Variants in UBE2G2 observed in about 807,000 individuals in gnomAD.
UBE2G2 encodes ubiquitin-conjugating enzyme E2 G2.
In UBE2G2, 10 loss-of-function variants were observed where a neutral mutation model predicts 23.0. The ratio of observed to expected loss-of-function variants is 0.43; its 90% CI spans 0.27 to 0.74. The LOEUF (loss-of-function observed/expected upper bound fraction) is 0.74. Ranked by LOEUF, UBE2G2 falls within the 30% of genes least tolerant of loss-of-function variation. The probability of loss-of-function intolerance (pLI) is 0.19; values close to 1 mark genes in which losing one functional copy is unlikely to be tolerated. For missense variants in UBE2G2, 150 were observed against 218.3 expected (o/e 0.69, Z 1.97); for synonymous variants, 86 against 81.3 (o/e 1.06, Z -0.31).
In UBE2G2 at chr21:44,769,607, T is replaced by A. The variant is rs184655370; in HGVS notation, c.*1770A>T. On this transcript the variant is annotated 3_prime_UTR_variant, in exon 6 of 6. Coordinates refer to ENST00000345496, the MANE Select transcript of UBE2G2 (RefSeq NM_003343.6). Reference sequence around the variant, plus strand: ...GTTAGCCAGGATGGTCGCGATCTCCTGACCTCATGATCCGCCCGCCTCAGT... The same window carrying A: ...GTTAGCCAGGATGGTCGCGATCTCCAGACCTCATGATCCGCCCGCCTCAGT... 6.6e-6 allele frequency: 1 copy of A among 152,346 alleles called. No individual in the cohort carries two copies. The highest frequency in any genetic ancestry group is 1.9e-4 in the East Asian group (1 of 5,178). 9.4% of individuals were successfully genotyped at this position (152,346 alleles called of 1,614,324 possible). A position where few individuals can be genotyped will look rare whatever the true frequency, so the allele number is the denominator to read the frequency against.
At chr21:44,792,762 C>T (rs1282140137) in intron 1 of UBE2G2, among the ~76,000 whole-genome samples, 1 of 152,214 alleles carries the variant, frequency 6.6e-6, no homozygotes, top group African/African-American at 2.4e-5. Flanking sequence ...ACCACTAACA[C>T]CTGCTGAGAA....
chr21:44,778,262 A>C (rs2082928035), intron 3 of UBE2G2, among the ~76,000 whole-genome samples: 1 of 152,222 alleles, frequency 6.6e-6, no homozygotes, highest in Non-Finnish European at 1.5e-5. Context: ...AGCACATGTG[A>C]TCACTGCTGC....
Position 44,793,167 on chromosome 21 carries a change from G to A in UBE2G2, c.44-5072C>T, listed in dbSNP as rs145374659. On this transcript the variant is annotated intron_variant, in intron 1 of 5. Coordinates refer to ENST00000345496, the MANE Select transcript of UBE2G2 (RefSeq NM_003343.6). ...TTATAAGAAAAAAATAACAGATTAC[G>A]GCAGATAGACTGTAAACTGCTAAGC... Among the ~76,000 whole-genome samples, 126 of 152,332 alleles carry A rather than the reference G, an allele frequency of 8.3e-4. 1 individual carries two copies. The highest frequency in any genetic ancestry group is 6.8e-3 in the Middle Eastern group (2 of 294).
At chr21:44,793,884 A>G (rs235272) in intron 1 of UBE2G2, among the ~76,000 whole-genome samples, 119,593 of 152,150 alleles carry the variant, frequency 0.79, 47,571 homozygotes, top group African/African-American at 0.91. Context: ...AATTAAAAAG[A>G]ACTTGAGTGT....
At chr21:44,801,427 A>G (rs1169122422) in intron 1 of UBE2G2, 9 of 1,231,010 alleles carry the variant, frequency 7.3e-6, no homozygotes, top group Non-Finnish European at 7.1e-6. Flanking sequence ...ATAGAAGAGA[A>G]AAAAACAAGC....
At chr21:44,782,880 T>C (rs1331966172) in intron 3 of UBE2G2, among the ~76,000 whole-genome samples, 1 of 152,214 alleles carries the variant, frequency 6.6e-6, no homozygotes, top group African/African-American at 2.4e-5. Context: ...CCTTGGGTTA[T>C]ATACAACACC....
At position 44,771,655 on chromosome 21, in the gene UBE2G2, G is replaced by A. The variant is rs1555959965; in HGVS notation, c.386-166C>T. The stretch of plus-strand genomic sequence containing the variant: ...GGTCGGCCCCACCTCTAGAGTGCTG[G>A]CCACGCAGGTCTCAACGAAAGCCAC... On this transcript the variant is annotated intron_variant, in intron 5 of 5. Transcript: ENST00000345496. The surrounding 1 kb of genome is among the most constrained non-coding windows in gnomAD (Gnocchi z 4.6). Among the ~76,000 whole-genome samples, 1 of 152,118 alleles carries A rather than the reference G, an allele frequency of 6.6e-6. No individual in the cohort carries two copies. Among genetic ancestry groups the A allele is most frequent in the Non-Finnish European group, 1.5e-5 (1 of 68,036 alleles).
chr21:44,788,195 G>C (rs528378888), intron 1 of UBE2G2, 100 bp from the exon 2 acceptor site: 2 of 1,109,444 alleles, frequency 1.8e-6, no homozygotes, highest in East Asian at 2.5e-5. Flanking sequence ...ATAAACCATA[G>C]AATATGCATA....
In UBE2G2 at chr21:44,771,461, C is replaced by T. The variant is rs201143631; in HGVS notation, c.414G>A (p.Val138=). 5.1e-4 allele frequency: 829 copies of T among 1,612,532 alleles called. 13 individuals carry two copies. The South Asian group carries it at 8.7e-3, about 17-fold the overall frequency. ...CATCGCGCCACATTTTGGACGCATC[C>T]ACGTTAGCTCCACTTTCGTCATTGG... ...AEPNDESGAN[V]DASKMWRDDR... is the part of the protein sequence containing the mutation. The change falls in exon 6 of 6, where the codon GTG becomes GTA. Residue 138 remains valine, a synonymous_variant. Transcript: ENST00000345496. The surrounding 1 kb of genome is among the most constrained non-coding windows in gnomAD (Gnocchi z 4.6).
intron 1 of UBE2G2, chr21:44,800,436 G>A (rs2083126251): frequency 6.6e-6 from 1 of 151,750 alleles, no homozygotes; most frequent in Non-Finnish European, 1.5e-5. Flanking sequence ...AAAAAAATCA[G>A]TGTAACTATT....
intron 3 of UBE2G2, among the ~76,000 whole-genome samples, chr21:44,779,709 C>T (rs1205121904): frequency 1.3e-5 from 2 of 152,204 alleles, no homozygotes; most frequent in Admixed American, 6.5e-5. Context: ...TCAGAGCAAA[C>T]GATAACCACC....
chr21:44,791,677 C>T (rs1424885964), intron 1 of UBE2G2, among the ~76,000 whole-genome samples: 1 of 152,194 alleles, frequency 6.6e-6, no homozygotes, highest in Non-Finnish European at 1.5e-5. Context: ...TAGGGCATTG[C>T]AGAAGGGAAA....
chr21:44,801,709 T>G lies in UBE2G2; in HGVS notation c.40A>C (p.Lys14Gln). ...CGGCCCGGGTCCCCAGACTCACGTTTGTACTCGGCCATCAGCCTCTTGAGC... is the reference window on the plus strand; with the variant it reads ...CGGCCCGGGTCCCCAGACTCACGTTGGTACTCGGCCATCAGCCTCTTGAGC... ...TALKRLMAEY[K>Q]QLTLNPPEGI... Residue 14 changes from lysine to glutamine, a missense_variant, in exon 1 of 6, where the codon AAA becomes CAA. Physicochemically the swap from Lys to Gln is moderately conservative, Grantham distance 53. Transcript: ENST00000345496. 1 of 1,520,108 alleles carries G rather than the reference T, an allele frequency of 6.6e-7. No homozygotes were observed. The highest frequency in any genetic ancestry group is 8.8e-7 in the Non-Finnish European group (1 of 1,135,744). 94.2% of individuals were successfully genotyped at this position (1,520,108 alleles called of 1,614,324 possible). A position where few individuals can be genotyped will look rare whatever the true frequency, so the allele number is the denominator to read the frequency against.
chr21:44,777,426 T>C lies in UBE2G2; in HGVS notation c.126-9A>G, dbSNP rs782092856. On this transcript the variant is annotated splice_polypyrimidine_tract_variant and intron_variant, in intron 3 of 5. Coordinates refer to ENST00000345496, the MANE Select transcript of UBE2G2 (RefSeq NM_003343.6). Reference sequence around the variant, plus strand: ...AGGTGTCTTCTGGGCCCCTAGAAGATATAAAATACGTAGACTGAACTTCAA... The same window carrying C: ...AGGTGTCTTCTGGGCCCCTAGAAGACATAAAATACGTAGACTGAACTTCAA... The C allele has an allele frequency of 3.7e-6, 6 of 1,611,714 alleles. No individual in the cohort carries two copies. In the Admixed American group the frequency reaches 6.7e-5, roughly 18 times the overall value.
intron 1 of UBE2G2, among the ~76,000 whole-genome samples, chr21:44,790,024 G>T (rs1445085951): frequency 2.6e-5 from 4 of 152,100 alleles, no homozygotes; most frequent in African/African-American, 4.8e-5. Context: ...CTGGTCTTTG[G>T]TATTTTTTTA....
At chr21:44,791,417 T>A (rs7281735) in intron 1 of UBE2G2, among the ~76,000 whole-genome samples, 41,610 of 151,994 alleles carry the variant, frequency 0.27, 6,127 homozygotes, top group South Asian at 0.41. Context: ...TGGTACTTGG[T>A]GCCCTGTGTC....
Position 44,801,638 on chromosome 21 carries a change from C to G in UBE2G2, c.43+68G>C, listed in dbSNP as rs372818049. The G allele has an allele frequency of 7.4e-5, 110 of 1,484,592 alleles. 3 individuals carry two copies. The East Asian group carries it at 1.1e-3, about 16-fold the overall frequency. 92.0% of individuals were successfully genotyped at this position (1,484,592 alleles called of 1,614,324 possible). A position where few individuals can be genotyped will look rare whatever the true frequency, so the allele number is the denominator to read the frequency against. ...CCCGCCAGGCTCCCTGCCCCAGCCC[C>G]GCCGGACGACGCGGGCCCGGGAGCA... is the stretch of plus-strand genomic sequence containing the variant. On this transcript the variant is annotated intron_variant, in intron 1 of 5. Transcript: ENST00000345496.
chr21:44,801,761 G>T lies in UBE2G2; in HGVS notation c.-13C>A. 1.3e-6 allele frequency: 2 copies of T among 1,515,628 alleles called. No homozygotes were observed. The highest frequency in any genetic ancestry group is 1.8e-6 in the Non-Finnish European group (2 of 1,134,280). 93.9% of individuals were successfully genotyped at this position (1,515,628 alleles called of 1,614,324 possible). On this transcript the variant is annotated 5_prime_UTR_variant, in exon 1 of 6. In the 5' UTR this introduces an upstream ATG that the reference lacks. Coordinates refer to ENST00000345496, the MANE Select transcript of UBE2G2 (RefSeq NM_003343.6). ...CGGTCCCCGCCATGGCCCCGCAACAGCTGCGCCGAGCGACCTCGCCTCAGC... is the reference window on the plus strand; with the variant it reads ...CGGTCCCCGCCATGGCCCCGCAACATCTGCGCCGAGCGACCTCGCCTCAGC...
rs1375167139 is a variant in UBE2G2 at position 44,772,379 on chromosome 21, C to T, written c.386-890G>A. 3.9e-5 allele frequency among the ~76,000 whole-genome samples: 6 copies of T among 152,122 alleles called. No homozygotes were observed. The highest frequency in any genetic ancestry group is 4.2e-4 in the South Asian group (2 of 4,806). ...TCACATCCCTCTAGACCCCACTCCACGGCACCCAAAGGCTCTGCAGAGAAT... is the reference window on the plus strand; with the variant it reads ...TCACATCCCTCTAGACCCCACTCCATGGCACCCAAAGGCTCTGCAGAGAAT... On this transcript the variant is annotated intron_variant, in intron 5 of 5. Coordinates refer to ENST00000345496, the MANE Select transcript of UBE2G2 (RefSeq NM_003343.6). This position sits in a 1 kb window ranked among gnomAD's most constrained non-coding sequence, Gnocchi z 5.4.
Sources: allele counts gnomAD v4.1 joint callset (sites outside exome capture counted in the v4.1 genomes callset), GRCh38; gene constraint gnomAD v4.1.1; non-coding constraint Gnocchi (gnomAD v3.1); transcripts MANE v1.5; gene names NCBI Gene and HGNC (gene_info 2026-07-23, HGNC 2026-07-21).